Variants in NKAIN2 observed in about 807,000 individuals in gnomAD.
NKAIN2 encodes the protein sodium/potassium-transporting ATPase subunit beta-1-interacting protein 2.
Under a neutral mutation model 32.6 loss-of-function variants are expected in NKAIN2, and 14 were observed. The observed-to-expected ratio is 0.43, with a 90% CI of 0.28 to 0.67. The LOEUF (loss-of-function observed/expected upper bound fraction) is 0.67, where lower values mean the gene tolerates loss of function less well. NKAIN2 is among the 30% of genes least tolerant of loss of function. The probability of loss-of-function intolerance (pLI) is 0.17; values close to 1 mark genes in which losing one functional copy is unlikely to be tolerated. For missense variants in NKAIN2, 198 were observed against 258.3 expected (o/e 0.77, Z 1.60); for synonymous variants, 80 against 87.2 (o/e 0.92, Z 0.46).
In NKAIN2 at chr6:124,655,916, C is replaced by T. The variant is rs56973848; in HGVS notation, c.274-2270C>T. On this transcript the variant is annotated intron_variant, in intron 3 of 6. Transcript: ENST00000368417. ...CTTCCTGTGAGAGAGGGAGGTTTAC[C>T]GAGACCTTGAGCTATGGATATTAGA... 8.6e-3 allele frequency among the ~76,000 whole-genome samples: 1,302 copies of T among 151,892 alleles called. 26 individuals are homozygous for T. The highest frequency in any genetic ancestry group is 0.029 in the African/African-American group (1,189 of 41,416).
intron 3 of NKAIN2, among the ~76,000 whole-genome samples, chr6:124,445,374 A>AT (rs1775846446): frequency 6.6e-6 from 1 of 152,124 alleles, no homozygotes; most frequent in African/African-American, 2.4e-5. Context: ...ACTTTATGAA[A>AT]TAAAAACTTT....
chr6:124,348,763 T>G (rs1473965993), intron 2 of NKAIN2, among the ~76,000 whole-genome samples: 2 of 152,204 alleles, frequency 1.3e-5, no homozygotes, highest in Non-Finnish European at 2.9e-5. Flanking sequence ...GTGGGTGCAG[T>G]GCACCTTGCA....
chr6:124,309,440 G>T (rs1796632630), intron 2 of NKAIN2, among the ~76,000 whole-genome samples: 1 of 152,056 alleles, frequency 6.6e-6, no homozygotes, highest in African/African-American at 2.4e-5. Flanking sequence ...ATGAAAAAAT[G>T]TAATTAGAAC....
chr6:124,093,199 C>T (rs1404063487), intron 1 of NKAIN2, among the ~76,000 whole-genome samples: 1 of 152,042 alleles, frequency 6.6e-6, no homozygotes. Context: ...ACAACCATGG[C>T]TAAACATGAG....
chr6:124,476,345 T>A (rs1024489633), intron 3 of NKAIN2, among the ~76,000 whole-genome samples: 1 of 149,296 alleles, frequency 6.7e-6, no homozygotes, highest in Non-Finnish European at 1.5e-5. Context: ...TTAAGGAGGT[T>A]TTAAATCAAT....
intron 1 of NKAIN2, among the ~76,000 whole-genome samples, chr6:124,238,102 G>T (rs983620729): frequency 6.6e-6 from 1 of 152,040 alleles, no homozygotes; most frequent in Non-Finnish European, 1.5e-5. Flanking sequence ...GGAAAAAAGG[G>T]TTGGGAGTTC....
intron 4 of NKAIN2, among the ~76,000 whole-genome samples, chr6:124,707,684 G>A (rs1299419213): frequency 6.6e-6 from 1 of 151,454 alleles, no homozygotes; most frequent in Non-Finnish European, 1.5e-5. Context: ...TTTTTGATGG[G>A]GTTGTTTGTT....
At chr6:124,785,137 T>C (rs185856664) in intron 4 of NKAIN2, among the ~76,000 whole-genome samples, 2 of 152,268 alleles carry the variant, frequency 1.3e-5, no homozygotes, top group East Asian at 3.9e-4. Context: ...TCCAGTTTAC[T>C]TTGTCTCTGT....
At chr6:124,044,541 G>T (rs768708647) in intron 1 of NKAIN2, among the ~76,000 whole-genome samples, 44 of 152,180 alleles carry the variant, frequency 2.9e-4, no homozygotes, top group Non-Finnish European at 6.0e-4. Flanking sequence ...AAGACTGGAA[G>T]TTTCTTCTGA....
intron 4 of NKAIN2, among the ~76,000 whole-genome samples, chr6:124,696,484 G>A (rs1427718642): frequency 1.3e-5 from 2 of 152,050 alleles, no homozygotes; most frequent in Admixed American, 6.5e-5. Context: ...TGAGACCTGC[G>A]GGATTGAAAA....
intron 3 of NKAIN2, among the ~76,000 whole-genome samples, chr6:124,514,569 G>C (rs1778833838): frequency 6.6e-6 from 1 of 152,044 alleles, no homozygotes; most frequent in Non-Finnish European, 1.5e-5. Context: ...GAGACATACT[G>C]CTAGTATTTA....
chr6:124,101,289 G>GA (rs1784876559), intron 1 of NKAIN2, among the ~76,000 whole-genome samples: 1 of 152,086 alleles, frequency 6.6e-6, no homozygotes. Context: ...CTGAAAATCT[G>GA]CCAAACACCT....
intron 4 of NKAIN2, among the ~76,000 whole-genome samples, chr6:124,760,241 C>T (rs75998152): frequency 0.17 from 26,281 of 151,676 alleles, 2,306 homozygotes; most frequent in Middle Eastern, 0.28. Context: ...TAGACACTGG[C>T]GTCTACTTGA....
chr6:123,853,502 GCATTATCAGATAAGCAGAAA>G (rs1460680019), intron 1 of NKAIN2, among the ~76,000 whole-genome samples: 2 of 152,064 alleles, frequency 1.3e-5, no homozygotes, highest in Non-Finnish European at 2.9e-5. Flanking sequence ...ATTAGTTATT[GCATTATCAGATAAGCAGAAA>G]CAAAGCACTG....
intron 1 of NKAIN2, among the ~76,000 whole-genome samples, chr6:123,824,489 A>G (rs1161017954): frequency 2.0e-5 from 3 of 152,102 alleles, no homozygotes; most frequent in Admixed American, 1.3e-4. Context: ...GTTTGAGGAC[A>G]TTTTGGGAGG....
chr6:124,723,915 T>C (rs547449638), intron 4 of NKAIN2, among the ~76,000 whole-genome samples: 2 of 152,358 alleles, frequency 1.3e-5, no homozygotes, highest in South Asian at 4.1e-4. Context: ...TGTGCTGGTA[T>C]TTTTATGCTT....
rs79806682 is a variant in NKAIN2, at chr6:124,389,639, C to G, written c.273+34292C>G. Among the ~76,000 whole-genome samples the G allele has an allele frequency of 2.2e-3, 331 of 151,332 alleles. 6 individuals carry two copies. In the East Asian group the frequency reaches 0.059, roughly 27 times the overall value. ...TAAGATATGAAATGATTTTTTTTCC[C>G]AAAAGGTCAAAACTGTTAGATCCTC... On this transcript the variant is annotated intron_variant, in intron 3 of 6. Transcript: ENST00000368417.
chr6:124,405,051 A>C (rs780268896), intron 3 of NKAIN2, among the ~76,000 whole-genome samples: 11 of 152,130 alleles, frequency 7.2e-5, no homozygotes, highest in Non-Finnish European at 1.3e-4. Flanking sequence ...TGTACAAACT[A>C]TTTGCTTCTA....
At chr6:124,029,344 T>C (rs1781300844) in intron 1 of NKAIN2, among the ~76,000 whole-genome samples, 1 of 151,832 alleles carries the variant, frequency 6.6e-6, no homozygotes, top group African/African-American at 2.4e-5. Context: ...TCCTTCTGGA[T>C]TTCTGGACTC....
Sources: allele counts gnomAD v4.1 joint callset (sites outside exome capture counted in the v4.1 genomes callset), GRCh38; gene constraint gnomAD v4.1.1; transcripts MANE v1.5; gene names NCBI Gene and HGNC (gene_info 2026-07-23, HGNC 2026-07-21).